The following GRAMD1A variants were observed in gnomAD, a reference collection of about 807,000 sequenced individuals.
GRAMD1A encodes protein Aster-A.
Under a neutral mutation model 92.0 loss-of-function variants are expected in GRAMD1A, and 50 were observed. That is an observed-to-expected ratio of 0.54 (90% CI 0.43 to 0.69). The LOEUF (loss-of-function observed/expected upper bound fraction) is 0.69, where lower values mean the gene tolerates loss of function less well. Ranked by LOEUF, GRAMD1A falls within the 30% of genes least tolerant of loss-of-function variation. The pLI, the probability that GRAMD1A is intolerant of heterozygous loss-of-function variation, is 0.00. For missense variants in GRAMD1A, 819 were observed against 978.9 expected (o/e 0.84, Z 2.18); for synonymous variants, 405 against 403.6 (o/e 1.00, Z -0.04).
At chr19:34,995,512 G>A (rs1283506392), upstream of GRAMD1A, among the ~76,000 whole-genome samples, 2 of 151,434 alleles carry the variant, frequency 1.3e-5, no homozygotes, top group East Asian at 3.9e-4. Context: ...GGGTCATAAG[G>A]GAATGAGGTT....
Position 35,013,568 on chromosome 19 carries a change from C to T in GRAMD1A, c.747C>T (p.Ile249=), listed in dbSNP as rs767644688. The T allele has an allele frequency of 3.4e-5, 55 of 1,610,218 alleles. No individual in the cohort carries two copies. Among genetic ancestry groups the T allele is most frequent in the African/African-American group, 9.3e-5 (7 of 74,870 alleles). ...CCCCCAAGGAAGTGGGAGATGTGATCGCCCTGAGCGACATCACCTCCTCGG... is the reference window on the plus strand; with the variant it reads ...CCCCCAAGGAAGTGGGAGATGTGATTGCCCTGAGCGACATCACCTCCTCGG... ...LGTPKEVGDV[I]ALSDITSSGA... is the part of the protein sequence containing the mutation. Residue 249 remains isoleucine (I), a synonymous_variant, in exon 9 of 20, where the codon ATC becomes ATT. Transcript: ENST00000317991. The surrounding 1 kb of genome is among the most constrained non-coding windows in gnomAD (Gnocchi z 4.9).
rs561518775 is a variant in GRAMD1A, at chr19:35,024,630, A to G, written c.2082+1083A>G. 2.0e-5 allele frequency among the ~76,000 whole-genome samples: 3 copies of G among 152,132 alleles called. No homozygotes were observed. In the South Asian group the frequency reaches 6.2e-4, roughly 32 times the overall value. On this transcript the variant is annotated intron_variant, in intron 19 of 19. Transcript: ENST00000317991. ...AAATCTTGTCTCATTGGACCCTTCC[A>G]TATCAGAAGGCTCATCTTTAGGGGT... is the stretch of plus-strand genomic sequence containing the variant.
At chr19:35,017,372 A>G (rs543620359) in intron 11 of GRAMD1A, among the ~76,000 whole-genome samples, 2 of 152,268 alleles carry the variant, frequency 1.3e-5, no homozygotes, top group African/African-American at 2.4e-5. Flanking sequence ...GGACATAAGC[A>G]TAGTTTTGGG....
chr19:35,023,193 C>A, intron 17 of GRAMD1A, 43 bp from the exon 18 acceptor site: 1 of 1,389,518 alleles, frequency 7.2e-7, no homozygotes, highest in Non-Finnish European at 1.0e-6. Flanking sequence ...GTGTTCAGAG[C>A]ATCTAGACCC....
intron 1 of GRAMD1A, among the ~76,000 whole-genome samples, chr19:35,002,003 A>T (rs2014409686): frequency 6.6e-6 from 1 of 152,000 alleles, no homozygotes; most frequent in Admixed American, 6.6e-5. Context: ...ACTTAATTTG[A>T]TTCCATCTTT....
chr19:35,014,390 G>A lies in GRAMD1A; in HGVS notation c.1069+3G>A. ...CTCTTCATCCACTGGGGAGGAAGGT[G>A]AGGCAGGCGGGCCCAATTCATTCGC... On this transcript the variant is annotated splice_donor_region_variant and intron_variant, in intron 10 of 19. Transcript: ENST00000317991. 1 of 1,613,332 alleles carries A rather than the reference G, an allele frequency of 6.2e-7. No homozygotes were observed. The highest frequency in any genetic ancestry group is 1.1e-5 in the South Asian group (1 of 91,060).
chr19:35,007,468 G>A (rs913524989), intron 1 of GRAMD1A, among the ~76,000 whole-genome samples: 8 of 152,232 alleles, frequency 5.3e-5, no homozygotes, highest in Non-Finnish European at 1.0e-4. Context: ...TGGGGCGGAA[G>A]AATCGCTTGA....
In GRAMD1A at chr19:35,023,260, C is replaced by T. The variant is rs371861140; in HGVS notation, c.1878C>T (p.Asn626=). The T allele has an allele frequency of 7.7e-5, 124 of 1,614,056 alleles. 1 individual carries two copies. In the South Asian group the frequency reaches 9.4e-4, roughly 12 times the overall value. ...CVSLIILIAL[N]VLLFYRLWSL... ...GCCTTATCATCCTCATCGCCCTCAA[C>T]GTCCTGCTCTTCTACCGCCTCTGGT... is the stretch of plus-strand genomic sequence containing the variant. Residue 626 remains asparagine (N), a synonymous_variant, in exon 18 of 20, where the codon AAC becomes AAT. Transcript: ENST00000317991.
intron 1 of GRAMD1A, among the ~76,000 whole-genome samples, chr19:35,003,693 C>G (rs975955783): frequency 6.6e-6 from 1 of 152,194 alleles, no homozygotes. Context: ...GGAGTCTCTC[C>G]CTGCTCACCA....
At position 35,019,525 on chromosome 19, in the gene GRAMD1A, G is replaced by A. The variant is rs371585118; in HGVS notation, c.1467G>A (p.Ala489=). 4.0e-4 allele frequency: 643 copies of A among 1,613,806 alleles called. No individual in the cohort carries two copies. Among genetic ancestry groups the A allele is most frequent in the Non-Finnish European group, 5.3e-4 (621 of 1,179,924 alleles). The change falls in exon 13 of 20, where the codon GCG becomes GCA. Residue 489 remains alanine, a synonymous_variant. Transcript: ENST00000317991. ...YCILGLARNK[A]RLRVSSEIRY... ...TCCTGGGTCTGGCCCGGAACAAGGC[G>A]CGGCTCCGGTGAGTGGTGGCTGGGC...
At chr19:35,005,924 G>A (rs1474571272) in intron 1 of GRAMD1A, 1 of 456,266 alleles carries the variant, frequency 2.2e-6, no homozygotes, top group Non-Finnish European at 4.4e-6. Flanking sequence ...ATATGTTAAG[G>A]CTTGGAGGTA....
intron 1 of GRAMD1A, among the ~76,000 whole-genome samples, chr19:35,008,875 T>C (rs1195469793): frequency 6.6e-6 from 1 of 152,146 alleles, no homozygotes; most frequent in Non-Finnish European, 1.5e-5. Flanking sequence ...TCCTGATTTG[T>C]TTAAGCCCCA....
At chr19:35,023,612 A>G in intron 19 of GRAMD1A, 65 bp downstream of exon 19, 2 of 1,442,554 alleles carry the variant, frequency 1.4e-6, no homozygotes, top group Non-Finnish European at 1.8e-6. Flanking sequence ...TTGAAACCCC[A>G]CCGTGCGGCA....
intron 16 of GRAMD1A, 110 bp downstream of exon 16, chr19:35,022,148 G>A: frequency 1.4e-6 from 1 of 720,648 alleles, no homozygotes; most frequent in Non-Finnish European, 2.3e-6. Flanking sequence ...GTGGGAGCGT[G>A]GGTTTGCTCA....
upstream of GRAMD1A, chr19:34,996,392 C>A: frequency 1.1e-6 from 1 of 921,462 alleles, no homozygotes; most frequent in Non-Finnish European, 1.6e-6. Context: ...AGAGCACAAC[C>A]TTAGCCCCAC....
chr19:34,995,921 G>A (rs1484781041), upstream of GRAMD1A: 1 of 1,005,688 alleles, frequency 9.9e-7, no homozygotes, highest in Non-Finnish European at 1.4e-6. Flanking sequence ...TTCTCTTAGT[G>A]GAGCCACGGG....
At chr19:34,995,948 G>A (rs1423221530), upstream of GRAMD1A, 6 of 1,295,612 alleles carry the variant, frequency 4.6e-6, no homozygotes, top group Admixed American at 1.0e-4. Flanking sequence ...TGGTAAGGGG[G>A]CTTAAGCGGG....
At position 35,026,460 on chromosome 19, in the gene GRAMD1A, G is replaced by T. The variant is rs1471844368; in HGVS notation, c.*319G>T. 6.1e-6 allele frequency: 2 copies of T among 330,472 alleles called. No individual in the cohort carries two copies. The highest frequency in any genetic ancestry group is 8.6e-5 in the Admixed American group (2 of 23,168). 20.5% of individuals were successfully genotyped at this position (330,472 alleles called of 1,614,324 possible). A position where few individuals can be genotyped will look rare whatever the true frequency, so the allele number is the denominator to read the frequency against. On this transcript the variant is annotated 3_prime_UTR_variant, in exon 20 of 20. Coordinates refer to ENST00000317991, the MANE Select transcript of GRAMD1A (RefSeq NM_020895.5). ...GGGGCCGACAGTGCCCCAATAAAGG[G>T]TCAGAAGTGGCTGTGGCTGTGCCTG...
rs898618005 is a variant in GRAMD1A at position 35,021,096 on chromosome 19, A to T, written c.1476-406A>T. Among the ~76,000 whole-genome samples the T allele has an allele frequency of 6.6e-6, 1 of 152,102 alleles. No homozygotes were observed. Among genetic ancestry groups the T allele is most frequent in the African/African-American group, 2.4e-5 (1 of 41,436 alleles). On this transcript the variant is annotated intron_variant, in intron 13 of 19. Coordinates refer to ENST00000317991, the MANE Select transcript of GRAMD1A (RefSeq NM_020895.5). The surrounding 1 kb of genome is among the most constrained non-coding windows in gnomAD (Gnocchi z 5.3). ...ACCCAGATGGGGGCGGCAGGGAGGA[A>T]TGGGTTTGGGGAAAGACCAGGAGGT...
Sources: gnomAD v4.1 joint callset for allele counts (sites outside exome capture counted in the v4.1 genomes callset) on GRCh38, gnomAD v4.1.1 for gene constraint, Gnocchi (gnomAD v3.1) non-coding constraint, MANE v1.5 for transcripts, NCBI Gene and HGNC (gene_info 2026-07-23, HGNC 2026-07-21) for gene names.